Variants in AUTS2 observed in about 807,000 individuals in gnomAD.
AUTS2 encodes the protein autism susceptibility gene 2 protein.
A neutral mutation model predicts 112.4 loss-of-function variants in AUTS2; 17 were observed. The ratio of observed to expected loss-of-function variants is 0.15; its 90% CI spans 0.10 to 0.23. The LOEUF is 0.23. AUTS2 is among the 10% of genes least tolerant of loss of function. AUTS2 has a pLI of 1.00. For missense variants in AUTS2, 1,510 were observed against 1,701.6 expected (o/e 0.89, Z 1.98); for synonymous variants, 751 against 702.7 (o/e 1.07, Z -1.09).
At chr7:70,636,146 C>T (rs1805523206) in intron 5 of AUTS2, among the ~76,000 whole-genome samples, 1 of 152,218 alleles carries the variant, frequency 6.6e-6, no homozygotes, top group Non-Finnish European at 1.5e-5. Context: ...TATCAGGCAG[C>T]ACCATTGCAG....
chr7:70,012,648 T>C (rs1799857566), intron 2 of AUTS2, among the ~76,000 whole-genome samples: 1 of 152,162 alleles, frequency 6.6e-6, no homozygotes, highest in Non-Finnish European at 1.5e-5. Context: ...ATTTCATTCA[T>C]TGAATGGTGT....
At chr7:70,082,211 G>C (rs1215312489) in intron 2 of AUTS2, among the ~76,000 whole-genome samples, 1 of 152,166 alleles carries the variant, frequency 6.6e-6, no homozygotes, top group Non-Finnish European at 1.5e-5. Flanking sequence ...ATCCTGTGTT[G>C]ACTACGTGCC....
At chr7:69,995,686 C>T (rs1386694125) in intron 2 of AUTS2, among the ~76,000 whole-genome samples, 1 of 152,178 alleles carries the variant, frequency 6.6e-6, no homozygotes, top group Non-Finnish European at 1.5e-5. Context: ...ATTGCCGCTG[C>T]TGGCCTTCTG....
chr7:70,002,452 T>A (rs1026923883), intron 2 of AUTS2, among the ~76,000 whole-genome samples: 29 of 152,146 alleles, frequency 1.9e-4, no homozygotes, highest in African/African-American at 6.5e-4. Flanking sequence ...TGTCTTAGAC[T>A]AGGATGAAGA....
At chr7:70,154,040 A>G (rs561122462) in intron 4 of AUTS2, among the ~76,000 whole-genome samples, 10 of 152,328 alleles carry the variant, frequency 6.6e-5, no homozygotes, top group South Asian at 6.2e-4. Flanking sequence ...TCTCGGCAAC[A>G]TCTCAGATAT....
At chr7:70,374,908 G>A (rs1793015286) in intron 4 of AUTS2, among the ~76,000 whole-genome samples, 1 of 152,180 alleles carries the variant, frequency 6.6e-6, no homozygotes, top group South Asian at 2.1e-4. Flanking sequence ...GCCATACTCT[G>A]CAGATGGGAA....
chr7:70,337,546 T>A (rs1309885979), intron 4 of AUTS2, among the ~76,000 whole-genome samples: 1 of 152,212 alleles, frequency 6.6e-6, no homozygotes, highest in Non-Finnish European at 1.5e-5. Context: ...CTGTAGAGTG[T>A]CTTCTGCATC....
rs189314935 is a variant in AUTS2 at position 70,356,447 on chromosome 7, T to C, written c.661-79305T>C. Among the ~76,000 whole-genome samples the C allele has an allele frequency of 2.0e-5, 3 of 152,362 alleles. No individual in the cohort carries two copies. The East Asian group carries it at 5.8e-4, about 29-fold the overall frequency. On this transcript the variant is annotated intron_variant, in intron 4 of 18. Transcript: ENST00000342771. ...TAACTTGCTTGTCAGCAAAACTAGA[T>C]GGAACCTAATCATTTGAGGAGAAGG...
intron 5 of AUTS2, among the ~76,000 whole-genome samples, chr7:70,475,114 G>A (rs1797533786): frequency 6.6e-6 from 1 of 152,204 alleles, no homozygotes; most frequent in Admixed American, 6.5e-5. Context: ...CTGCCATTCT[G>A]ATGTGTGGAG....
chr7:69,683,702 G>A (rs1385811989), intron 1 of AUTS2, among the ~76,000 whole-genome samples: 1 of 151,778 alleles, frequency 6.6e-6, no homozygotes, highest in East Asian at 1.9e-4. Flanking sequence ...TTCAAGATCA[G>A]CCTGGCCTGT....
chr7:69,639,329 A>G (rs1448197558), intron 1 of AUTS2, among the ~76,000 whole-genome samples: 1 of 152,236 alleles, frequency 6.6e-6, no homozygotes, highest in Non-Finnish European at 1.5e-5. Context: ...AAAACTGGTT[A>G]TAACTCAAGA....
chr7:70,300,656 G>C (rs908037425), intron 4 of AUTS2, among the ~76,000 whole-genome samples: 1 of 152,074 alleles, frequency 6.6e-6, no homozygotes, highest in Non-Finnish European at 1.5e-5. Context: ...TCAAGCCAGC[G>C]GTGCCACCAG....
rs560797976 is a variant in AUTS2, at chr7:70,496,019, AC to A, written c.690+60246del. On this transcript the variant is annotated intron_variant, in intron 5 of 18. Transcript: ENST00000342771. ...ACCACATACACAGTCACACACACAC[AC>A]CCCCCCCACACACATGCACACGTCA... Among the ~76,000 whole-genome samples, 144 of 64,780 alleles carry A rather than the reference AC, an allele frequency of 2.2e-3. 2 individuals are homozygous for A. The highest frequency in any genetic ancestry group is 2.7e-3 in the Non-Finnish European group (88 of 32,200). The allele number at this position is 64,780 out of a possible 152,430, so 42.5% of individuals were successfully genotyped here.
At chr7:70,350,560 C>T (rs1156378847) in intron 4 of AUTS2, among the ~76,000 whole-genome samples, 1 of 152,104 alleles carries the variant, frequency 6.6e-6, no homozygotes, top group Non-Finnish European at 1.5e-5. Flanking sequence ...TATTCACTAT[C>T]ACGAGAGCAG....
intron 1 of AUTS2, among the ~76,000 whole-genome samples, chr7:69,626,400 G>A (rs943574072): frequency 6.6e-6 from 1 of 151,910 alleles, no homozygotes. Flanking sequence ...CCTGGTTGCC[G>A]TGTCCACAGT....
At chr7:69,813,306 C>T (rs774314948) in intron 1 of AUTS2, among the ~76,000 whole-genome samples, 1 of 152,160 alleles carries the variant, frequency 6.6e-6, no homozygotes, top group Non-Finnish European at 1.5e-5. Flanking sequence ...AGGTCCTGTC[C>T]ACCTGTATTT....
chr7:70,441,768 G>A (rs1025296136), intron 5 of AUTS2, among the ~76,000 whole-genome samples: 28 of 152,206 alleles, frequency 1.8e-4, no homozygotes, highest in African/African-American at 6.8e-4. Flanking sequence ...CTAAGAAAAG[G>A]AGCAAAGAAA....
chr7:69,839,625 C>G (rs1364504841), intron 1 of AUTS2, among the ~76,000 whole-genome samples: 1 of 152,036 alleles, frequency 6.6e-6, no homozygotes, highest in Admixed American at 6.6e-5. Flanking sequence ...CAAGAAAACC[C>G]AAGATCTCCC....
intron 6 of AUTS2, among the ~76,000 whole-genome samples, chr7:70,702,674 A>G (rs1177027815): frequency 2.0e-5 from 3 of 152,082 alleles, no homozygotes; most frequent in African/African-American, 4.8e-5. Flanking sequence ...GTGAACAGCA[A>G]CAGAGCAGCT....
Sources: allele counts gnomAD v4.1 joint callset (sites outside exome capture counted in the v4.1 genomes callset), GRCh38; gene constraint gnomAD v4.1.1; transcripts MANE v1.5; gene names NCBI Gene and HGNC (gene_info 2026-07-23, HGNC 2026-07-21).